The following FAM20B variants were observed in gnomAD, a reference collection of about 807,000 sequenced individuals.
FAM20B encodes glycosaminoglycan xylosylkinase.
In FAM20B, 23 loss-of-function variants were observed where a neutral mutation model predicts 43.8. That is an observed-to-expected ratio of 0.53 (90% confidence interval 0.38 to 0.74). The LOEUF (loss-of-function observed/expected upper bound fraction) is 0.74, where lower values mean the gene tolerates loss of function less well. Ranked by LOEUF, FAM20B falls within the 30% of genes least tolerant of loss-of-function variation. The pLI is 0.00. For missense variants in FAM20B, 440 were observed against 510.5 expected, an observed-to-expected ratio of 0.86 and a Z score of 1.33; for synonymous variants, 178 against 192.4, an observed-to-expected ratio of 0.93 and a Z score of 0.62.
intron 7 of FAM20B, among the ~76,000 whole-genome samples, chr1:179,069,464 G>A (rs577590361): frequency 6.6e-5 from 10 of 152,142 alleles, no homozygotes; most frequent in African/African-American, 1.7e-4. Context: ...GCTGTCTCCC[G>A]GGTTCAGGCG....
chr1:179,022,182 G>A (rs917154569), upstream of FAM20B, among the ~76,000 whole-genome samples: 4 of 152,206 alleles, frequency 2.6e-5, no homozygotes, highest in Non-Finnish European at 4.4e-5. Flanking sequence ...AAATGCAGAA[G>A]CAGCTGTCCA....
intron 4 of FAM20B, among the ~76,000 whole-genome samples, chr1:179,060,601 A>C (rs1332400889): frequency 1.3e-5 from 2 of 152,136 alleles, no homozygotes; most frequent in Non-Finnish European, 2.9e-5. Context: ...GACATGGAGC[A>C]GTTTCATCCT....
At chr1:179,018,700 T>C in the FAM20B span, among the ~76,000 whole-genome samples, 1 of 152,250 alleles carries the variant, frequency 6.6e-6, no homozygotes, top group African/African-American at 2.4e-5. Flanking sequence ...CATTAAGTTA[T>C]GAGTTTGTGG....
intron 4 of FAM20B, among the ~76,000 whole-genome samples, chr1:179,058,199 C>T (rs1651308814): frequency 6.6e-6 from 1 of 152,148 alleles, no homozygotes; most frequent in South Asian, 2.1e-4. Flanking sequence ...AGATTAGTCA[C>T]TACTGTGATT....
At chr1:179,065,810 A>C (rs897351839) in intron 6 of FAM20B, among the ~76,000 whole-genome samples, 4 of 152,242 alleles carry the variant, frequency 2.6e-5, no homozygotes, top group African/African-American at 9.6e-5. Flanking sequence ...TGGGTAATTC[A>C]TAAGCATCAG....
intron 6 of FAM20B, among the ~76,000 whole-genome samples, 199 bp from the exon 7 acceptor site, chr1:179,066,601 A>G (rs1651698933): frequency 6.6e-6 from 1 of 152,108 alleles, no homozygotes; most frequent in Admixed American, 6.5e-5. Context: ...TTGTTGTCAG[A>G]TATTTTAGTA....
chr1:179,024,268 A>C (rs1002780365), upstream of FAM20B, among the ~76,000 whole-genome samples: 3 of 152,168 alleles, frequency 2.0e-5, no homozygotes, highest in African/African-American at 7.2e-5. Flanking sequence ...GACAGAAGGG[A>C]TCATCCGCCC....
chr1:179,038,491 A>G (rs1650346738), intron 1 of FAM20B, among the ~76,000 whole-genome samples: 1 of 152,170 alleles, frequency 6.6e-6, no homozygotes, highest in South Asian at 2.1e-4. Context: ...GTAAAAGCCT[A>G]TGAAGCTGAC....
intron 1 of FAM20B, among the ~76,000 whole-genome samples, chr1:179,027,964 C>T (rs979584095): frequency 3.3e-5 from 5 of 151,882 alleles, no homozygotes; most frequent in African/African-American, 1.2e-4. Flanking sequence ...AGTTCATTCC[C>T]TTGATTTCCA....
intron 1 of FAM20B, among the ~76,000 whole-genome samples, chr1:179,038,317 A>C (rs543457363): frequency 6.6e-6 from 1 of 151,680 alleles, no homozygotes; most frequent in East Asian, 2.0e-4. Context: ...AGGCTGAGGC[A>C]GGAGAATCGC....
intron 1 of FAM20B, among the ~76,000 whole-genome samples, chr1:179,039,357 A>T (rs150992226): frequency 8.7e-4 from 132 of 152,308 alleles, no homozygotes; most frequent in African/African-American, 3.0e-3. Context: ...AATTGCCCAG[A>T]GTGTGGTCAG....
chr1:179,061,369 A>G (rs1651458999), intron 4 of FAM20B, among the ~76,000 whole-genome samples: 2 of 149,330 alleles, frequency 1.3e-5, no homozygotes, highest in South Asian at 4.2e-4. Context: ...TTTTTTTGAA[A>G]TGCTCTCTCT....
At chr1:179,033,241 A>G (rs942867463) in intron 1 of FAM20B, among the ~76,000 whole-genome samples, 4 of 152,362 alleles carry the variant, frequency 2.6e-5, no homozygotes, top group Non-Finnish European at 4.4e-5. Flanking sequence ...ATTGCTCTGC[A>G]TAAGTCTAAG....
chr1:179,067,953 G>C (rs887034516), intron 7 of FAM20B, among the ~76,000 whole-genome samples: 2 of 151,980 alleles, frequency 1.3e-5, no homozygotes, highest in Non-Finnish European at 2.9e-5. Context: ...CAGTAGAGAC[G>C]GGTTTCACTA....
Position 179,075,957 on chromosome 1 carries a change from T to C in FAM20B, c.*3813T>C, listed in dbSNP as rs553605879. 6.6e-6 allele frequency: 1 copy of C among 152,116 alleles called. No homozygotes were observed. Among genetic ancestry groups the C allele is most frequent in the African/African-American group, 2.4e-5 (1 of 41,496 alleles). The allele number at this position is 152,116 out of a possible 1,614,324, so 9.4% of individuals were successfully genotyped here. A position where few individuals can be genotyped will look rare whatever the true frequency, so the allele number is the denominator to read the frequency against. ...GAGTTTGAGCTTCAGGAAACATGAG[T>C]AAAAGTATATGTAATGTATATAGTC... is the stretch of plus-strand genomic sequence containing the variant. On this transcript the variant is annotated 3_prime_UTR_variant, in exon 8 of 8. Coordinates refer to ENST00000263733, the MANE Select transcript of FAM20B (RefSeq NM_014864.4).
At chr1:179,054,248 G>GA (rs2102510479) in intron 3 of FAM20B, among the ~76,000 whole-genome samples, 1 of 151,520 alleles carries the variant, frequency 6.6e-6, no homozygotes, top group South Asian at 2.1e-4. Flanking sequence ...TACAAAAGTA[G>GA]AAAGAATAGT....
intron 1 of FAM20B, among the ~76,000 whole-genome samples, chr1:179,040,429 G>T (rs1356905447): frequency 1.3e-5 from 2 of 150,276 alleles, no homozygotes; most frequent in African/African-American, 4.9e-5. Flanking sequence ...CTTCCCAGTA[G>T]GGGCGGCCGG....
At chr1:179,042,344 C>A (rs115252879) in intron 1 of FAM20B, among the ~76,000 whole-genome samples, 2,218 of 152,288 alleles carry the variant, frequency 0.015, 42 homozygotes, top group African/African-American at 0.048. Context: ...GCACAGCTGC[C>A]GGTTCTGTGT....
At chr1:179,049,442 G>C (rs188570420) in intron 2 of FAM20B, among the ~76,000 whole-genome samples, 1 of 152,066 alleles carries the variant, frequency 6.6e-6, no homozygotes, top group Non-Finnish European at 1.5e-5. Flanking sequence ...TTTCAAAAGC[G>C]CTGTTGCCTT....
Sources: allele counts gnomAD v4.1 joint callset (sites outside exome capture counted in the v4.1 genomes callset), GRCh38; gene constraint gnomAD v4.1.1; transcripts MANE v1.5; gene names NCBI Gene and HGNC (gene_info 2026-07-23, HGNC 2026-07-21).